The following MAN1C1 variants were observed in gnomAD, a reference collection of about 807,000 sequenced individuals.
MAN1C1 encodes the protein mannosyl-oligosaccharide 1,2-alpha-mannosidase IC.
A neutral mutation model predicts 71.5 loss-of-function variants in MAN1C1; 49 were observed. The observed-to-expected ratio is 0.69, with a 90% CI of 0.54 to 0.87. MAN1C1 has a LOEUF of 0.87. MAN1C1 is among the 40% of genes least tolerant of loss of function. The probability of loss-of-function intolerance (pLI) is 0.00; values close to 1 mark genes in which losing one functional copy is unlikely to be tolerated. For missense variants in MAN1C1, 743 were observed against 835.0 expected, an observed-to-expected ratio of 0.89 and a Z score of 1.36; for synonymous variants, 352 against 343.7, an observed-to-expected ratio of 1.02 and a Z score of -0.27.
chr1:25,744,820 C>A (rs781041985), intron 2 of MAN1C1, among the ~76,000 whole-genome samples: 1 of 152,300 alleles, frequency 6.6e-6, no homozygotes, highest in Admixed American at 6.5e-5. Context: ...GCCGCAAAGC[C>A]CACGCTGCAG....
At chr1:25,765,283 C>G (rs78027287) in intron 7 of MAN1C1, among the ~76,000 whole-genome samples, 7,363 of 152,166 alleles carry the variant, frequency 0.048, 538 homozygotes, top group African/African-American at 0.16. Context: ...AATGTGCATG[C>G]CTGTTGAGAA....
At position 25,623,975 on chromosome 1, in the gene MAN1C1, G is replaced by T. The variant is rs571285053; in HGVS notation, c.540+5638G>T. Among the ~76,000 whole-genome samples, 11 of 152,306 alleles carry T rather than the reference G, an allele frequency of 7.2e-5. No homozygotes were observed. The South Asian group carries it at 2.1e-3, about 29-fold the overall frequency. ...TGAGTCAAGGATTGTTGTCTTTCCG[G>T]TTCTGTGCACCTGCAGTCCAAAAAG... is the stretch of plus-strand genomic sequence containing the variant. On this transcript the variant is annotated intron_variant, in intron 1 of 11. Coordinates refer to ENST00000374332, the MANE Select transcript of MAN1C1 (RefSeq NM_020379.4).
chr1:25,637,961 C>G (rs2045486692), intron 1 of MAN1C1, among the ~76,000 whole-genome samples: 1 of 151,658 alleles, frequency 6.6e-6, no homozygotes, highest in African/African-American at 2.4e-5. Context: ...TTATAAAGAA[C>G]ACATAATTGG....
At chr1:25,758,820 TGGGG>T in intron 6 of MAN1C1, 111 bp downstream of exon 6, 1 of 978,334 alleles carries the variant, frequency 1.0e-6, no homozygotes, top group Non-Finnish European at 1.6e-6. Flanking sequence ...AGGAGGGCAG[TGGGG>T]AGCCCGGGAG....
chr1:25,639,212 G>GCCTCACAAATCCAA (rs2045505476), intron 1 of MAN1C1, among the ~76,000 whole-genome samples: 3 of 151,902 alleles, frequency 2.0e-5, no homozygotes, highest in Non-Finnish European at 4.4e-5. Flanking sequence ...AATGGTTTTT[G>GCCTCACAAATCCAA]TTTCTCTGAG....
chr1:25,757,809 G>A (rs1452251923), intron 5 of MAN1C1, among the ~76,000 whole-genome samples: 1 of 152,256 alleles, frequency 6.6e-6, no homozygotes, highest in Non-Finnish European at 1.5e-5. Context: ...CTGCACAGCA[G>A]TTAGCACAGG....
intron 2 of MAN1C1, among the ~76,000 whole-genome samples, chr1:25,706,567 G>A (rs1457538537): frequency 2.0e-5 from 3 of 152,188 alleles, no homozygotes; most frequent in East Asian, 1.9e-4. Context: ...TTGGACATGC[G>A]CAGGGCAGCC....
intron 2 of MAN1C1, among the ~76,000 whole-genome samples, chr1:25,720,515 A>G (rs1041988366): frequency 3.3e-5 from 5 of 152,258 alleles, no homozygotes; most frequent in Non-Finnish European, 2.9e-5. Flanking sequence ...CCAGCTGCCC[A>G]TATTTTAATT....
intron 1 of MAN1C1, among the ~76,000 whole-genome samples, chr1:25,619,553 C>G (rs2045173873): frequency 2.0e-5 from 3 of 152,154 alleles, no homozygotes; most frequent in Admixed American, 6.5e-5. Flanking sequence ...TTTTCTGTTA[C>G]TCTGTTTGGA....
At chr1:25,678,811 T>C (rs2046104648) in intron 1 of MAN1C1, among the ~76,000 whole-genome samples, 1 of 152,168 alleles carries the variant, frequency 6.6e-6, no homozygotes, top group Non-Finnish European at 1.5e-5. Flanking sequence ...GTCATAATTA[T>C]GGGAAGAAAC....
At position 25,782,579 on chromosome 1, in the gene MAN1C1, C is replaced by T; in HGVS notation, c.1651-6C>T. 1 of 1,607,366 alleles carries T rather than the reference C, an allele frequency of 6.2e-7. No individual in the cohort carries two copies. The highest frequency in any genetic ancestry group is 8.5e-7 in the Non-Finnish European group (1 of 1,173,848). ...CTGTTTTCCTCCTCCTCTTCCCCTTCCTCAGGCCTTGGAGAAATACTGTCG... is the reference window on the plus strand; with the variant it reads ...CTGTTTTCCTCCTCCTCTTCCCCTTTCTCAGGCCTTGGAGAAATACTGTCG... On this transcript the variant is annotated splice_region_variant and splice_polypyrimidine_tract_variant and intron_variant, in intron 10 of 11. Transcript: ENST00000374332. This position sits in a 1 kb window ranked among gnomAD's most constrained non-coding sequence, Gnocchi z 4.4.
intron 2 of MAN1C1, among the ~76,000 whole-genome samples, chr1:25,698,701 C>G (rs2046398302): frequency 6.6e-6 from 1 of 152,096 alleles, no homozygotes; most frequent in Non-Finnish European, 1.5e-5. Flanking sequence ...CCTGTAATCC[C>G]AGCACTTTGG....
In MAN1C1 at chr1:25,618,273, C is replaced by T. The variant is rs1379553853; in HGVS notation, c.476C>T (p.Thr159Met). 6 of 1,604,326 alleles carry T rather than the reference C, an allele frequency of 3.7e-6. No homozygotes were observed. The highest frequency in any genetic ancestry group is 2.2e-5 in the East Asian group (1 of 44,458). Residue 159 changes from threonine to methionine, a missense_variant, in exon 1 of 12, where the codon ACG becomes ATG. Coordinates refer to ENST00000374332, the MANE Select transcript of MAN1C1 (RefSeq NM_020379.4). ...CGTCTCCGCCACCCGGTCCTGGGAA[C>T]GAGGGCCGATGAGAGTCAGGAGCCC... The part of the protein sequence containing the change: ...RSRLRHPVLG[T>M]RADESQEPQS...
At chr1:25,668,050 T>A (rs2045947151) in intron 1 of MAN1C1, among the ~76,000 whole-genome samples, 1 of 152,170 alleles carries the variant, frequency 6.6e-6, no homozygotes, top group Non-Finnish European at 1.5e-5. Flanking sequence ...CTGGTAACCT[T>A]ATCAGTGGGT....
Position 25,782,739 on chromosome 1 carries a change from G to A in MAN1C1, c.1766+39G>A. The A allele has an allele frequency of 1.3e-6, 2 of 1,509,832 alleles. No homozygotes were observed. Among genetic ancestry groups the A allele is most frequent in the East Asian group, 2.3e-5 (1 of 44,300 alleles). The allele number at this position is 1,509,832 out of a possible 1,614,324, so 93.5% of individuals were successfully genotyped here. On this transcript the variant is annotated intron_variant, in intron 11 of 11. Transcript: ENST00000374332. The surrounding 1 kb of genome is among the most constrained non-coding windows in gnomAD (Gnocchi z 4.4). Reference sequence around the variant, plus strand: ...GCTCTTCCTAGGGATGGACAGGTGGGAGGTTGAGGGTAGGGGTCCGCAGTC... The same window carrying A: ...GCTCTTCCTAGGGATGGACAGGTGGAAGGTTGAGGGTAGGGGTCCGCAGTC...
intron 9 of MAN1C1, 186 bp from the exon 10 acceptor site, chr1:25,780,754 C>A (rs779203470): frequency 1.8e-5 from 11 of 607,322 alleles, no homozygotes; most frequent in Non-Finnish European, 2.9e-5. Flanking sequence ...CCAGCCCAGG[C>A]CAAGAGGGAA....
intron 2 of MAN1C1, among the ~76,000 whole-genome samples, chr1:25,744,189 G>C (rs937751278): frequency 3.3e-5 from 5 of 152,144 alleles, no homozygotes; most frequent in Non-Finnish European, 7.4e-5. Context: ...CCTGTGTGCT[G>C]GGCACGATCT....
intron 1 of MAN1C1, among the ~76,000 whole-genome samples, chr1:25,642,861 G>A (rs991206529): frequency 5.3e-5 from 8 of 152,156 alleles, no homozygotes; most frequent in African/African-American, 1.9e-4. Context: ...TTGGCAGATG[G>A]TTGTAGCTGT....
intron 1 of MAN1C1, among the ~76,000 whole-genome samples, chr1:25,679,976 T>TACACAC (rs1174301636): frequency 6.8e-5 from 9 of 132,372 alleles, no homozygotes; most frequent in African/African-American, 2.2e-4. Flanking sequence ...TATATATATA[T>TACACAC]ATACACACAC....
Sources: allele counts gnomAD v4.1 joint callset (sites outside exome capture counted in the v4.1 genomes callset), GRCh38; gene constraint gnomAD v4.1.1; non-coding constraint Gnocchi (gnomAD v3.1); transcripts MANE v1.5; gene names NCBI Gene and HGNC (gene_info 2026-07-23, HGNC 2026-07-21).